The following SEPTIN2 variants were observed in gnomAD, a reference collection of about 807,000 sequenced individuals.
SEPTIN2 encodes septin-2.
SEPTIN2 carries 34 observed loss-of-function variants against 46.5 expected under a neutral mutation model. The observed-to-expected ratio is 0.73, with a 90% CI of 0.56 to 0.97. The LOEUF (loss-of-function observed/expected upper bound fraction) is 0.97, where lower values mean the gene tolerates loss of function less well. Ranked by LOEUF, SEPTIN2 falls within the 50% of genes least tolerant of loss-of-function variation. The pLI is 0.00. For missense variants in SEPTIN2, 347 were observed against 448.4 expected, an observed-to-expected ratio of 0.77 and a Z score of 2.04; for synonymous variants, 175 against 153.4, an observed-to-expected ratio of 1.14 and a Z score of -1.04.
At chr2:241,344,250 G>A (rs1032990388) in intron 9 of SEPTIN2, among the ~76,000 whole-genome samples, 2 of 152,204 alleles carry the variant, frequency 1.3e-5, no homozygotes, top group African/African-American at 4.8e-5. Flanking sequence ...CAGTCAGGCT[G>A]TATAGGCCCC....
rs918914049 is a variant in SEPTIN2 at position 241,339,948 on chromosome 2, C to T, written c.594+2158C>T. 3.9e-5 allele frequency among the ~76,000 whole-genome samples: 6 copies of T among 152,244 alleles called. 1 individual carries two copies. The South Asian group carries it at 1.2e-3, about 32-fold the overall frequency. On this transcript the variant is annotated intron_variant, in intron 7 of 12. Transcript: ENST00000391971. ...GTTCACTTATGTATTCCCAGAGTTC[C>T]GAATAATGTCTGGCACATAATAGAT... is the stretch of plus-strand genomic sequence containing the variant.
At chr2:241,329,746 A>G (rs775830899) in intron 3 of SEPTIN2, among the ~76,000 whole-genome samples, 1 of 152,184 alleles carries the variant, frequency 6.6e-6, no homozygotes, top group African/African-American at 2.4e-5. Flanking sequence ...ACGGTACCTC[A>G]CATTCTGTAT....
chr2:241,351,171 G>C (rs1248874275), intron 12 of SEPTIN2, among the ~76,000 whole-genome samples: 2 of 152,126 alleles, frequency 1.3e-5, no homozygotes, highest in Non-Finnish European at 2.9e-5. Context: ...CATACGGCAG[G>C]GTGGGTTAGG....
intron 1 of SEPTIN2, among the ~76,000 whole-genome samples, chr2:241,322,030 A>G (rs1017385751): frequency 4.6e-5 from 7 of 152,178 alleles, no homozygotes; most frequent in Non-Finnish European, 2.9e-5. Flanking sequence ...TCCCTTGGTT[A>G]ACCAAGCCAA....
intron 7 of SEPTIN2, among the ~76,000 whole-genome samples, chr2:241,341,105 G>A (rs2081201556): frequency 6.6e-6 from 1 of 152,160 alleles, no homozygotes; most frequent in Non-Finnish European, 1.5e-5. Flanking sequence ...TTTTCTATCT[G>A]CTGTTTTTTA....
chr2:241,348,483 G>A (rs991141194), intron 11 of SEPTIN2, among the ~76,000 whole-genome samples: 1 of 152,086 alleles, frequency 6.6e-6, no homozygotes, highest in Non-Finnish European at 1.5e-5. Context: ...TGCCCACCTT[G>A]GCCTCCCAAA....
At chr2:241,351,240 C>T (rs1200348431) in intron 12 of SEPTIN2, 1 of 152,124 alleles carries the variant, frequency 6.6e-6, no homozygotes, top group African/African-American at 2.4e-5. Flanking sequence ...GAGGAAGGAC[C>T]CAGAGTGACT....
Position 241,336,007 on chromosome 2 carries a change from T to G in SEPTIN2, c.250T>G (p.Ser84Ala). The change falls in exon 5 of 13, where the codon TCA becomes GCA. Residue 84 changes from serine (S) to alanine (A), a missense_variant. Transcript: ENST00000391971. ...KIERTVQIEA[S>A]TVEIEERGVK... ...TGAAAGAACTGTCCAGATTGAGGCT[T>G]CAACTGTTGAAATTGAAGAGCGAGG... The G allele has an allele frequency of 5.0e-6, 8 of 1,614,158 alleles. No homozygotes were observed. Among genetic ancestry groups the G allele is most frequent in the Non-Finnish European group, 6.8e-6 (8 of 1,180,012 alleles).
intron 5 of SEPTIN2, chr2:241,337,164 A>T (rs758223552): frequency 3.9e-6 from 2 of 514,434 alleles, no homozygotes; most frequent in African/African-American, 3.9e-5. Flanking sequence ...AACCTATTCC[A>T]TTCAGGCTTT....
At chr2:241,329,549 A>G (rs1166964021) in intron 3 of SEPTIN2, among the ~76,000 whole-genome samples, 2 of 152,220 alleles carry the variant, frequency 1.3e-5, no homozygotes, top group Non-Finnish European at 1.5e-5. Context: ...TCGGTGCCAT[A>G]AAGAAATAGT....
At chr2:241,328,229 G>C (rs921624906) in intron 3 of SEPTIN2, among the ~76,000 whole-genome samples, 1 of 152,130 alleles carries the variant, frequency 6.6e-6, no homozygotes, top group Non-Finnish European at 1.5e-5. Flanking sequence ...GAGGTCAGGA[G>C]TTTGAGACCA....
At chr2:241,330,337 A>G (rs1333954477) in intron 3 of SEPTIN2, among the ~76,000 whole-genome samples, 1 of 152,236 alleles carries the variant, frequency 6.6e-6, no homozygotes. Context: ...CGTAAGAATT[A>G]TACCAGTCCA....
intron 3 of SEPTIN2, among the ~76,000 whole-genome samples, chr2:241,329,824 A>C (rs918829975): frequency 3.9e-5 from 6 of 152,214 alleles, no homozygotes; most frequent in Non-Finnish European, 7.4e-5. Flanking sequence ...CAAAGGAAGG[A>C]GGAATGTTGA....
intron 1 of SEPTIN2, among the ~76,000 whole-genome samples, chr2:241,320,567 G>T (rs1452701276): frequency 6.6e-6 from 1 of 152,178 alleles, no homozygotes; most frequent in African/African-American, 2.4e-5. Context: ...ACCAGGGTGG[G>T]AGGATCACCT....
chr2:241,327,113 A>G (rs868048243), intron 3 of SEPTIN2, among the ~76,000 whole-genome samples: 1 of 151,614 alleles, frequency 6.6e-6, no homozygotes, highest in African/African-American at 2.4e-5. Context: ...CACAATGTCT[A>G]ATGTCTAATA....
rs549095050 is a variant in SEPTIN2, at chr2:241,331,209, A to G, written c.131-3917A>G. 2.0e-5 allele frequency among the ~76,000 whole-genome samples: 3 copies of G among 152,134 alleles called. No homozygotes were observed. The South Asian group carries it at 6.2e-4, about 32-fold the overall frequency. On this transcript the variant is annotated intron_variant, in intron 3 of 12. Transcript: ENST00000391971. The stretch of plus-strand genomic sequence containing the variant: ...AAACAAAAGAAAAAAATCACAAACA[A>G]GAGTATTAATAATTTTAAGACAGTA...
intron 8 of SEPTIN2, 97 bp from the exon 9 acceptor site, chr2:241,343,655 A>G (rs967386160): frequency 4.9e-5 from 67 of 1,373,070 alleles, no homozygotes; most frequent in Admixed American, 2.0e-4. Flanking sequence ...TTTGTAGTCA[A>G]CAGCAATGTG....
chr2:241,347,755 T>C (rs992737714), intron 10 of SEPTIN2, among the ~76,000 whole-genome samples: 20 of 152,094 alleles, frequency 1.3e-4, no homozygotes, highest in African/African-American at 4.8e-4. Flanking sequence ...GCGTGGTGGC[T>C]CATGCCTGTA....
chr2:241,330,618 G>A (rs1255452067), intron 3 of SEPTIN2, among the ~76,000 whole-genome samples: 1 of 152,182 alleles, frequency 6.6e-6, no homozygotes, highest in African/African-American at 2.4e-5. Context: ...ACTGTCTTCT[G>A]TATTCTCCTA....
Sources: gnomAD v4.1 joint callset for allele counts (sites outside exome capture counted in the v4.1 genomes callset) on GRCh38, gnomAD v4.1.1 for gene constraint, MANE v1.5 for transcripts, NCBI Gene and HGNC (gene_info 2026-07-23, HGNC 2026-07-21) for gene names.